IRAG2: variants seen among roughly 807,000 people sequenced by gnomAD.
IRAG2 encodes the protein lymphoid restricted membrane protein.
IRAG2 carries 45 observed loss-of-function variants against 69.9 expected under a neutral mutation model. That is an observed-to-expected ratio of 0.64 (90% CI 0.51 to 0.83). The LOEUF (loss-of-function observed/expected upper bound fraction) is 0.83. Ranked by LOEUF, IRAG2 falls within the 40% of genes least tolerant of loss-of-function variation. The probability of loss-of-function intolerance (pLI) is 0.00; values close to 1 mark genes in which losing one functional copy is unlikely to be tolerated. For missense variants in IRAG2, 520 were observed against 587.0 expected (o/e 0.89, Z 1.18); for synonymous variants, 193 against 202.4 (o/e 0.95, Z 0.40).
At chr12:25,099,727 C>A (rs1219322906) in intron 15 of IRAG2, among the ~76,000 whole-genome samples, 2 of 152,000 alleles carry the variant, frequency 1.3e-5, no homozygotes, top group African/African-American at 4.8e-5. Context: ...TGTGGCCGGG[C>A]GCGGTGACTC....
rs1438474951 is a variant in IRAG2, at chr12:25,060,773, G to A, written c.-446-819G>A. Among the ~76,000 whole-genome samples, 7 of 144,896 alleles carry A rather than the reference G, an allele frequency of 4.8e-5. No individual in the cohort carries two copies. The East Asian group carries it at 1.2e-3, about 25-fold the overall frequency. On this transcript the variant is annotated intron_variant, in intron 1 of 21. Transcript: ENST00000556887. ...CCTCCCAGGTTCAAGTGATTCTCCT[G>A]CCTCAGCCTCCCAAGTAGCTAGGAT...
chr12:25,067,438 G>A (rs115215240), intron 5 of IRAG2, among the ~76,000 whole-genome samples: 3,135 of 152,180 alleles, frequency 0.021, 106 homozygotes, highest in African/African-American at 0.071. Context: ...AATAGCATCC[G>A]ATTCCACAGG....
At position 25,062,877 on chromosome 12, in the gene IRAG2, C is replaced by G; in HGVS notation, c.-327C>G. Reference sequence around the variant, plus strand: ...TTCCCTGTCCTGCGCAGATGCAATTCAACAACCTCTTCAAGAAAAATTGGT... The same window carrying G: ...TTCCCTGTCCTGCGCAGATGCAATTGAACAACCTCTTCAAGAAAAATTGGT... On this transcript the variant is annotated 5_prime_UTR_variant, in exon 3 of 22. Coordinates refer to ENST00000556887, the MANE Select transcript of IRAG2 (RefSeq NM_001366544.2). 5.0e-6 allele frequency: 2 copies of G among 398,990 alleles called. No homozygotes were observed. Among genetic ancestry groups the G allele is most frequent in the Non-Finnish European group, 8.8e-6 (2 of 226,028 alleles). 24.7% of individuals were successfully genotyped at this position (398,990 alleles called of 1,614,324 possible).
upstream of IRAG2, among the ~76,000 whole-genome samples, chr12:25,003,189 C>A (rs1415203830): frequency 6.6e-6 from 1 of 151,148 alleles, no homozygotes; most frequent in Non-Finnish European, 1.5e-5. Flanking sequence ...TGTTCATTCT[C>A]TATTAGGGGA....
intron 9 of IRAG2, among the ~76,000 whole-genome samples, chr12:25,081,880 A>C (rs1193718203): frequency 6.6e-6 from 1 of 152,130 alleles, no homozygotes; most frequent in Admixed American, 6.5e-5. Context: ...TTTTGTGAAA[A>C]AAAGGACAGA....
chr12:25,020,033 T>C (rs1944565401), intron 6 of IRAG2, among the ~76,000 whole-genome samples: 1 of 152,234 alleles, frequency 6.6e-6, no homozygotes, highest in Non-Finnish European at 1.5e-5. Flanking sequence ...CCTTCTTCAA[T>C]GCCTAGCACA....
chr12:25,030,024 G>C (rs1240480339), intron 9 of IRAG2, among the ~76,000 whole-genome samples: 1 of 152,218 alleles, frequency 6.6e-6, no homozygotes, highest in Non-Finnish European at 1.5e-5. Flanking sequence ...TTGCATTCCA[G>C]GCTCAGCTCT....
chr12:25,095,180 C>T (rs901400944), intron 14 of IRAG2, among the ~76,000 whole-genome samples: 2 of 152,142 alleles, frequency 1.3e-5, no homozygotes, highest in Admixed American at 1.3e-4. Context: ...TTCAGTCTTT[C>T]ACCACTGAGT....
upstream of IRAG2, chr12:25,052,204 C>CT (rs10690368): frequency 0.24 from 64,464 of 271,478 alleles, 3,830 homozygotes; most frequent in South Asian, 0.3. Context: ...GCGGTTTGGA[C>CT]TTTTTTTTTT....
chr12:25,009,871 GA>G (rs1216425426), intron 2 of IRAG2, among the ~76,000 whole-genome samples: 1 of 152,148 alleles, frequency 6.6e-6, no homozygotes, highest in African/African-American at 2.4e-5. Flanking sequence ...TGTTACCTGG[GA>G]GAAGGTCAGC....
intron 2 of IRAG2, among the ~76,000 whole-genome samples, chr12:25,010,947 A>G (rs776144272): frequency 2.0e-5 from 3 of 152,234 alleles, no homozygotes; most frequent in Admixed American, 6.5e-5. Flanking sequence ...AATTTTAACT[A>G]AAGTAGAGAA....
chr12:25,009,015 A>G (rs1469309523), intron 2 of IRAG2, among the ~76,000 whole-genome samples: 1 of 152,242 alleles, frequency 6.6e-6, no homozygotes, highest in Non-Finnish European at 1.5e-5. Context: ...TTTAAAAATT[A>G]TAATATGCCA....
chr12:25,020,772 C>A, intron 6 of IRAG2: 1 of 1,170,622 alleles, frequency 8.5e-7, no homozygotes, highest in Non-Finnish European at 1.1e-6. Context: ...TCATGGCCTT[C>A]TCCCCCCACC....
rs980170434 is a variant in IRAG2, at chr12:25,082,679, T to C, written c.245-744T>C. The stretch of plus-strand genomic sequence containing the variant: ...AATAAAATTTTCATAAGGAAAAAAT[T>C]GTATAGCTGTGAAGAAATTGCTTAC... On this transcript the variant is annotated intron_variant, in intron 9 of 21. Coordinates refer to ENST00000556887, the MANE Select transcript of IRAG2 (RefSeq NM_001366544.2). Among the ~76,000 whole-genome samples the C allele has an allele frequency of 7.2e-5, 11 of 152,136 alleles. No individual in the cohort carries two copies. The South Asian group carries it at 2.1e-3, about 29-fold the overall frequency.
At position 25,069,361 on chromosome 12, in the gene IRAG2, C is replaced by T. The variant is rs1187001580; in HGVS notation, c.-47C>T. On this transcript the variant is annotated 5_prime_UTR_variant, in exon 6 of 22. Transcript: ENST00000556887. ...CTTCCTACTGCCAGGTGCCCAGGCC[C>T]CACAAGTGGCCCCAGCCCAGGAACG... 3 of 1,582,806 alleles carry T rather than the reference C, an allele frequency of 1.9e-6. No individual in the cohort carries two copies. Among genetic ancestry groups the T allele is most frequent in the South Asian group, 1.1e-5 (1 of 89,744 alleles).
At chr12:25,095,549 T>C (rs1269710530) in intron 14 of IRAG2, among the ~76,000 whole-genome samples, 3 of 152,188 alleles carry the variant, frequency 2.0e-5, no homozygotes, top group Non-Finnish European at 4.4e-5. Flanking sequence ...AGTCTAGTAG[T>C]ATTTTGTTGA....
At chr12:25,002,512 G>A (rs187272447), upstream of IRAG2, among the ~76,000 whole-genome samples, 13 of 152,328 alleles carry the variant, frequency 8.5e-5, no homozygotes, top group African/African-American at 3.1e-4. Flanking sequence ...ATGACAAAAT[G>A]TGTGTTACAA....
upstream of IRAG2, among the ~76,000 whole-genome samples, chr12:25,050,204 G>T (rs11613116): frequency 6.6e-6 from 1 of 151,622 alleles, no homozygotes; most frequent in Non-Finnish European, 1.5e-5. Context: ...GTGCACAGTT[G>T]GGGGAATGGA....
upstream of IRAG2, among the ~76,000 whole-genome samples, chr12:25,050,522 C>T (rs1474110250): frequency 3.1e-5 from 3 of 98,012 alleles, no homozygotes; most frequent in East Asian, 3.0e-4. Flanking sequence ...AGCGAGACTC[C>T]GTCTCAAAAA....
Sources: allele counts gnomAD v4.1 joint callset (sites outside exome capture counted in the v4.1 genomes callset), GRCh38; gene constraint gnomAD v4.1.1; transcripts MANE v1.5; gene names NCBI Gene and HGNC (gene_info 2026-07-23, HGNC 2026-07-21).